The following ATG10 variants were observed in gnomAD, a reference collection of about 807,000 sequenced individuals.
ATG10 encodes the protein ubiquitin-like-conjugating enzyme ATG10.
ATG10 carries 30 observed loss-of-function variants against 32.1 expected under a neutral mutation model. The ratio of observed to expected loss-of-function variants is 0.94; its 90% confidence interval spans 0.70 to 1.27. The LOEUF (loss-of-function observed/expected upper bound fraction) is 1.27, where lower values mean the gene tolerates loss of function less well. Ranked by LOEUF, ATG10 falls within the 50% of genes most tolerant of loss-of-function variation. The probability of loss-of-function intolerance (pLI) is 0.00; values close to 1 mark genes in which losing one functional copy is unlikely to be tolerated. For missense variants in ATG10, 233 were observed against 262.3 expected, an observed-to-expected ratio of 0.89 and a Z score of 0.77; for synonymous variants, 87 against 91.5, an observed-to-expected ratio of 0.95 and a Z score of 0.28.
chr5:82,088,088 C>G (rs2149790094), intron 3 of ATG10, among the ~76,000 whole-genome samples: 1 of 152,212 alleles, frequency 6.6e-6, no homozygotes, highest in South Asian at 2.1e-4. Flanking sequence ...AGTATATTAG[C>G]TTTTTCCACT....
At position 82,254,928 on chromosome 5, in the gene ATG10, G is replaced by C. The variant is rs1747410147; in HGVS notation, c.*865G>C. ...TGTGTGTGTGTGTGTGTGTATGTGTGGGTGTTTGTGTAGATAGTTGTAAAA... is the reference window on the plus strand; with the variant it reads ...TGTGTGTGTGTGTGTGTGTATGTGTCGGTGTTTGTGTAGATAGTTGTAAAA... On this transcript the variant is annotated 3_prime_UTR_variant, in exon 8 of 8. Coordinates refer to ENST00000282185, the MANE Select transcript of ATG10 (RefSeq NM_031482.5). 1 of 151,794 alleles carries C rather than the reference G, an allele frequency of 6.6e-6. No individual in the cohort carries two copies. Among genetic ancestry groups the C allele is most frequent in the Non-Finnish European group, 1.5e-5 (1 of 67,944 alleles). 9.4% of individuals were successfully genotyped at this position (151,794 alleles called of 1,614,324 possible).
chr5:82,000,842 A>G (rs898880405), intron 2 of ATG10, among the ~76,000 whole-genome samples: 5 of 152,124 alleles, frequency 3.3e-5, no homozygotes, highest in African/African-American at 7.2e-5. Context: ...TTTTCAGTAG[A>G]GATGGGGTTT....
At chr5:81,984,571 C>G (rs1761198864) in intron 1 of ATG10, among the ~76,000 whole-genome samples, 1 of 152,190 alleles carries the variant, frequency 6.6e-6, no homozygotes, top group South Asian at 2.1e-4. Context: ...GAAGAATAGG[C>G]AGTTCACATA....
intron 3 of ATG10, among the ~76,000 whole-genome samples, chr5:82,155,950 A>C (rs1025474940): frequency 1.3e-5 from 2 of 152,174 alleles, no homozygotes; most frequent in African/African-American, 4.8e-5. Flanking sequence ...ATAATTGATA[A>C]AGGAGTAACA....
intron 5 of ATG10, among the ~76,000 whole-genome samples, chr5:82,207,043 A>G (rs145168572): frequency 1.4e-3 from 214 of 152,258 alleles, no homozygotes; most frequent in Non-Finnish European, 2.4e-3. Flanking sequence ...TTTTATGACT[A>G]TATCACAATT....
At chr5:82,168,567 C>G (rs114220026) in intron 4 of ATG10, among the ~76,000 whole-genome samples, 1 of 152,042 alleles carries the variant, frequency 6.6e-6, no homozygotes, top group South Asian at 2.1e-4. Context: ...GAATGGCTGT[C>G]CTTTATGGAG....
chr5:82,251,850 T>G (rs568120600), intron 5 of ATG10, among the ~76,000 whole-genome samples: 5 of 152,210 alleles, frequency 3.3e-5, no homozygotes, highest in Admixed American at 6.5e-5. Context: ...ACCTATATCT[T>G]ATATCCAATT....
intron 5 of ATG10, among the ~76,000 whole-genome samples, chr5:82,228,912 A>C (rs1447304404): frequency 3.3e-5 from 5 of 152,236 alleles, no homozygotes; most frequent in Non-Finnish European, 7.3e-5. Flanking sequence ...AGCTATAAGA[A>C]CAATACCTTC....
intron 3 of ATG10, among the ~76,000 whole-genome samples, chr5:82,117,747 C>T (rs112919110): frequency 5.7e-4 from 87 of 151,858 alleles, no homozygotes; most frequent in Non-Finnish European, 1.0e-3. Flanking sequence ...GGAAGATCTC[C>T]GAGAATGAAG....
chr5:82,092,228 A>G (rs184202059), intron 3 of ATG10, among the ~76,000 whole-genome samples: 4 of 152,354 alleles, frequency 2.6e-5, no homozygotes. Context: ...TAGGATAACT[A>G]TTTGGATAAA....
intron 2 of ATG10, chr5:82,009,888 C>A: frequency 6.2e-7 from 1 of 1,609,990 alleles, no homozygotes; most frequent in African/African-American, 1.3e-5. Context: ...GCCATTATGG[C>A]GTGTGAAGTC....
chr5:82,048,879 A>G (rs1423963195), intron 2 of ATG10, among the ~76,000 whole-genome samples: 2 of 152,190 alleles, frequency 1.3e-5, no homozygotes, highest in Non-Finnish European at 1.5e-5. Context: ...AATGGCAATC[A>G]TTAAAAAGTC....
At chr5:82,009,067 C>T (rs566296121) in intron 2 of ATG10, among the ~76,000 whole-genome samples, 1 of 152,230 alleles carries the variant, frequency 6.6e-6, no homozygotes, top group African/African-American at 2.4e-5. Context: ...ATGGCATAAT[C>T]TAAACGTGGC....
At chr5:82,217,145 A>G (rs1745720528) in intron 5 of ATG10, among the ~76,000 whole-genome samples, 1 of 152,166 alleles carries the variant, frequency 6.6e-6, no homozygotes, top group Admixed American at 6.5e-5. Context: ...CCACTCTGTA[A>G]GAATGCTTAG....
intron 2 of ATG10, among the ~76,000 whole-genome samples, chr5:82,040,539 G>A (rs1315083976): frequency 3.3e-5 from 5 of 152,114 alleles, no homozygotes; most frequent in African/African-American, 9.6e-5. Context: ...AAAACTATTG[G>A]CAAGGATACA....
chr5:82,149,902 T>A (rs1767522131), intron 3 of ATG10, among the ~76,000 whole-genome samples: 2 of 152,338 alleles, frequency 1.3e-5, no homozygotes, highest in African/African-American at 4.8e-5. Flanking sequence ...GGTATAAGGC[T>A]GAGTCTGACC....
rs1240511457 is a variant in ATG10, at chr5:82,140,050, C to T, written c.217-24349C>T. On this transcript the variant is annotated intron_variant, in intron 3 of 7. Coordinates refer to ENST00000282185, the MANE Select transcript of ATG10 (RefSeq NM_031482.5). ...AGCCCCTCTGCCCGGCCAGCCGCCC[C>T]GTCCGGGAGGGAGGTGGGAGGGTCA... 1.5e-4 allele frequency among the ~76,000 whole-genome samples: 21 copies of T among 138,560 alleles called. No individual in the cohort carries two copies. The South Asian group carries it at 4.7e-3, about 31-fold the overall frequency. 90.9% of individuals were successfully genotyped at this position (138,560 alleles called of 152,430 possible).
chr5:82,018,063 C>T (rs1451147065), intron 2 of ATG10, among the ~76,000 whole-genome samples: 1 of 152,144 alleles, frequency 6.6e-6, no homozygotes, highest in Non-Finnish European at 1.5e-5. Context: ...AGATGTCTCT[C>T]CCTTAAGGCC....
chr5:82,137,144 T>C (rs1168101128), intron 3 of ATG10, among the ~76,000 whole-genome samples: 1 of 152,092 alleles, frequency 6.6e-6, no homozygotes, highest in Non-Finnish European at 1.5e-5. Context: ...GTTCCTTGCA[T>C]TGATTTAGAA....
Sources: allele counts gnomAD v4.1 joint callset (sites outside exome capture counted in the v4.1 genomes callset), GRCh38; gene constraint gnomAD v4.1.1; transcripts MANE v1.5; gene names NCBI Gene and HGNC (gene_info 2026-07-23, HGNC 2026-07-21).